Variants in PRKG1 observed in about 807,000 individuals in gnomAD.
PRKG1 encodes the protein cGMP-dependent protein kinase 1.
Under a neutral mutation model 88.1 loss-of-function variants are expected in PRKG1, and 35 were observed. That is an observed-to-expected ratio of 0.40 (90% CI 0.30 to 0.53). The LOEUF (loss-of-function observed/expected upper bound fraction) is 0.53. Among genes scored for constraint, PRKG1 ranks in the 20% least tolerant of loss-of-function variants. The pLI is 0.59. For synonymous variants in PRKG1, 303 were observed against 292.5 expected (o/e 1.04, Z -0.37); for missense variants, 540 against 839.8 (o/e 0.64, Z 4.41).
At chr10:51,781,279 G>C (rs577615137) in intron 3 of PRKG1, among the ~76,000 whole-genome samples, 2 of 152,222 alleles carry the variant, frequency 1.3e-5, no homozygotes, top group East Asian at 3.9e-4. Context: ...CTTTGGGTCT[G>C]CATGTGTATT....
chr10:52,105,095 T>A (rs901192271), intron 7 of PRKG1, among the ~76,000 whole-genome samples: 3 of 151,674 alleles, frequency 2.0e-5, no homozygotes, highest in Non-Finnish European at 4.4e-5. Flanking sequence ...CCTTTTCTCA[T>A]TCATAGTTTC....
At chr10:52,080,867 T>C (rs1485044391) in intron 7 of PRKG1, among the ~76,000 whole-genome samples, 1 of 152,188 alleles carries the variant, frequency 6.6e-6, no homozygotes, top group Non-Finnish European at 1.5e-5. Flanking sequence ...TAAGACCATG[T>C]CATTCCTCTA....
chr10:51,933,441 G>A (rs767198697), intron 5 of PRKG1, among the ~76,000 whole-genome samples: 15 of 152,014 alleles, frequency 9.9e-5, no homozygotes, highest in Admixed American at 6.6e-5. Context: ...TTTTATAACC[G>A]ATAATTTCAT....
intron 7 of PRKG1, among the ~76,000 whole-genome samples, chr10:52,132,903 G>A (rs1383877915): frequency 2.0e-5 from 3 of 152,064 alleles, no homozygotes; most frequent in African/African-American, 7.2e-5. Flanking sequence ...AGCACACTGT[G>A]GAGAACGGGG....
chr10:51,505,807 G>A (rs1405515884), intron 3 of PRKG1, among the ~76,000 whole-genome samples: 23 of 151,946 alleles, frequency 1.5e-4, no homozygotes, highest in Non-Finnish European at 2.1e-4. Context: ...CTGTGGGATC[G>A]GTAGTGATAT....
intron 3 of PRKG1, among the ~76,000 whole-genome samples, chr10:51,799,277 T>G (rs944914150): frequency 6.6e-6 from 1 of 152,020 alleles, no homozygotes; most frequent in Admixed American, 6.6e-5. Context: ...CAGTATCAAG[T>G]TATAATTCCG....
intron 7 of PRKG1, among the ~76,000 whole-genome samples, chr10:52,082,636 C>T (rs897917541): frequency 6.6e-6 from 1 of 152,126 alleles, no homozygotes; most frequent in African/African-American, 2.4e-5. Context: ...TGCTGTAGCT[C>T]TTATCCCATT....
chr10:52,100,382 C>T (rs1589605885), intron 7 of PRKG1, among the ~76,000 whole-genome samples: 1 of 152,336 alleles, frequency 6.6e-6, no homozygotes, highest in African/African-American at 2.4e-5. Flanking sequence ...CCTGGCCTCA[C>T]AGTGATGAAT....
chr10:52,107,409 A>T (rs1450324379), intron 7 of PRKG1, among the ~76,000 whole-genome samples: 1 of 152,182 alleles, frequency 6.6e-6, no homozygotes, highest in African/African-American at 2.4e-5. Context: ...TTATTAATTT[A>T]AATATTATAA....
chr10:51,424,993 C>T (rs185029065), intron 2 of PRKG1, among the ~76,000 whole-genome samples: 35 of 152,210 alleles, frequency 2.3e-4, no homozygotes, highest in Admixed American at 5.2e-4. Context: ...GAACAGAATA[C>T]AGCCCTCCCT....
chr10:51,094,025 A>AC (rs935637168), intron 1 of PRKG1, among the ~76,000 whole-genome samples: 2 of 151,734 alleles, frequency 1.3e-5, no homozygotes, highest in Admixed American at 1.3e-4. Flanking sequence ...CAGGCTTTAG[A>AC]CCCCAGAATG....
chr10:51,767,720 C>T (rs1266039766), intron 3 of PRKG1, among the ~76,000 whole-genome samples: 4 of 152,056 alleles, frequency 2.6e-5, no homozygotes, highest in Non-Finnish European at 5.9e-5. Flanking sequence ...AATAGATGAT[C>T]TCACAAATCA....
In PRKG1 at chr10:51,970,711, GAT is replaced by G. The variant is rs1401700130; in HGVS notation, c.762+63152_762+63153del. 8.0e-3 allele frequency among the ~76,000 whole-genome samples: 1,090 copies of G among 136,162 alleles called. 25 individuals carry two copies. The highest frequency in any genetic ancestry group is 0.031 in the African/African-American group (1,035 of 32,910). The allele number at this position is 136,162 out of a possible 152,430, so 89.3% of individuals were successfully genotyped here. A position where few individuals can be genotyped will look rare whatever the true frequency, so the allele number is the denominator to read the frequency against. On this transcript the variant is annotated intron_variant, in intron 5 of 17. Coordinates refer to ENST00000373980, the MANE Select transcript of PRKG1 (RefSeq NM_006258.4). ...GATATATATATCAGATATATCATCT[GAT>G]ATATATATATCAGATATATCAGATT...
At chr10:51,752,698 A>G (rs764450038) in intron 3 of PRKG1, among the ~76,000 whole-genome samples, 8 of 152,100 alleles carry the variant, frequency 5.3e-5, no homozygotes, top group Admixed American at 1.3e-4. Flanking sequence ...TTGCTATTTA[A>G]TTCTGTGAAG....
intron 1 of PRKG1, among the ~76,000 whole-genome samples, chr10:51,126,334 A>C (rs1271704126): frequency 7.8e-6 from 1 of 127,920 alleles, no homozygotes; most frequent in East Asian, 2.3e-4. Context: ...TTTATATTTT[A>C]TATTATTTTA....
chr10:51,701,899 C>T (rs2132415729), intron 3 of PRKG1, among the ~76,000 whole-genome samples: 1 of 152,222 alleles, frequency 6.6e-6, no homozygotes, highest in Non-Finnish European at 1.5e-5. Flanking sequence ...TCAGATTCTG[C>T]TTTATCAGGT....
chr10:51,875,791 C>T (rs181581848), intron 4 of PRKG1, among the ~76,000 whole-genome samples: 15 of 152,190 alleles, frequency 9.9e-5, no homozygotes, highest in African/African-American at 3.6e-4. Context: ...GGGGAAACAT[C>T]GTTTTGTATT....
intron 4 of PRKG1, among the ~76,000 whole-genome samples, chr10:51,809,854 G>T (rs1839407248): frequency 6.6e-6 from 1 of 152,072 alleles, no homozygotes; most frequent in African/African-American, 2.4e-5. Context: ...TCCAAGCACT[G>T]CCTGCCCCGA....
intron 3 of PRKG1, among the ~76,000 whole-genome samples, chr10:51,588,202 A>G (rs1193393579): frequency 1.3e-5 from 2 of 152,122 alleles, no homozygotes; most frequent in Non-Finnish European, 2.9e-5. Context: ...GGCATTGAGT[A>G]TACAGTGCAC....
Sources: allele counts gnomAD v4.1 joint callset (sites outside exome capture counted in the v4.1 genomes callset), GRCh38; gene constraint gnomAD v4.1.1; transcripts MANE v1.5; gene names NCBI Gene and HGNC (gene_info 2026-07-23, HGNC 2026-07-21).